The following ARHGAP32 variants were observed in gnomAD, a reference collection of about 807,000 sequenced individuals.
ARHGAP32 encodes rho GTPase-activating protein 32.
ARHGAP32 carries 51 observed loss-of-function variants against 186.5 expected under a neutral mutation model. The observed-to-expected ratio is 0.27, with a 90% CI of 0.22 to 0.35. The LOEUF is 0.35. Among genes scored for constraint, ARHGAP32 ranks in the 10% least tolerant of loss-of-function variants. The pLI, the probability that ARHGAP32 is intolerant of heterozygous loss-of-function variation, is 1.00. For synonymous variants in ARHGAP32, 950 were observed against 964.3 expected, an observed-to-expected ratio of 0.99 and a Z score of 0.27; for missense variants, 2,186 against 2,623.5, an observed-to-expected ratio of 0.83 and a Z score of 3.64.
chr11:129,170,296 A>C (rs1943732173), intron 1 of ARHGAP32, among the ~76,000 whole-genome samples: 1 of 149,800 alleles, frequency 6.7e-6, no homozygotes, highest in South Asian at 2.1e-4. Flanking sequence ...TGTGGCATCT[A>C]TTGACTCGTC....
At chr11:129,177,274 C>T (rs926699468) in intron 1 of ARHGAP32, among the ~76,000 whole-genome samples, 1 of 152,060 alleles carries the variant, frequency 6.6e-6, no homozygotes, top group Non-Finnish European at 1.5e-5. Context: ...ATAACAGGAG[C>T]TGAAATTGTG....
intron 15 of ARHGAP32, among the ~76,000 whole-genome samples, chr11:128,982,247 C>G (rs905376661): frequency 9.9e-5 from 15 of 152,096 alleles, no homozygotes; most frequent in African/African-American, 3.6e-4. Context: ...AGCCTTAAAA[C>G]AGTTACAAGA....
intron 1 of ARHGAP32, among the ~76,000 whole-genome samples, chr11:129,225,756 A>G (rs1173039182): frequency 6.6e-6 from 1 of 152,200 alleles, no homozygotes; most frequent in African/African-American, 2.4e-5. Context: ...ACATAGAGGG[A>G]AAAACAATCA....
intron 1 of ARHGAP32, among the ~76,000 whole-genome samples, chr11:129,252,869 C>T (rs1945204458): frequency 6.6e-6 from 1 of 152,212 alleles, no homozygotes; most frequent in Non-Finnish European, 1.5e-5. Flanking sequence ...CTGGACTAAA[C>T]ATTAAACTCA....
intron 5 of ARHGAP32, among the ~76,000 whole-genome samples, chr11:129,097,868 C>T (rs530067657): frequency 5.9e-5 from 9 of 151,966 alleles, no homozygotes; most frequent in Admixed American, 1.3e-4. Flanking sequence ...CTAAGACACC[C>T]GATAATCAAA....
At chr11:129,024,588 A>G (rs1938749525) in intron 11 of ARHGAP32, among the ~76,000 whole-genome samples, 1 of 152,218 alleles carries the variant, frequency 6.6e-6, no homozygotes, top group Non-Finnish European at 1.5e-5. Context: ...ATCAACTTAC[A>G]CAGTCTCTGT....
intron 1 of ARHGAP32, among the ~76,000 whole-genome samples, chr11:129,235,932 C>T (rs1390635330): frequency 6.6e-6 from 1 of 151,582 alleles, no homozygotes; most frequent in East Asian, 1.9e-4. Flanking sequence ...CACACACACA[C>T]ACACACACTC....
rs1003685404 is a variant in ARHGAP32, at chr11:128,966,922, C to A, written c.*1985G>T. The A allele has an allele frequency of 7.9e-5, 12 of 152,142 alleles. No individual in the cohort carries two copies. The highest frequency in any genetic ancestry group is 2.4e-4 in the African/African-American group (10 of 41,430). 9.4% of individuals were successfully genotyped at this position (152,142 alleles called of 1,614,324 possible). A position where few individuals can be genotyped will look rare whatever the true frequency, so the allele number is the denominator to read the frequency against. On this transcript the variant is annotated 3_prime_UTR_variant, in exon 23 of 23. Coordinates refer to ENST00000682385, the MANE Select transcript of ARHGAP32 (RefSeq NM_001378024.1). ...AAGGTCATACTCCTGTATGTAGCAC[C>A]CAGGGTGTTTTTGTGCCAAAGGGAA... is the stretch of plus-strand genomic sequence containing the variant.
chr11:129,171,884 A>C (rs1267801528), intron 1 of ARHGAP32, among the ~76,000 whole-genome samples: 4 of 152,074 alleles, frequency 2.6e-5, no homozygotes, highest in Non-Finnish European at 1.5e-5. Flanking sequence ...GAGGCCCTTC[A>C]CATCCCCTGT....
chr11:129,001,301 A>C (rs1455610534), intron 11 of ARHGAP32, among the ~76,000 whole-genome samples: 1 of 152,158 alleles, frequency 6.6e-6, no homozygotes, highest in African/African-American at 2.4e-5. Context: ...CTTTTGGATA[A>C]AAGCCATTTT....
chr11:129,203,230 TATC>T (rs1944477413), intron 1 of ARHGAP32, among the ~76,000 whole-genome samples: 1 of 150,962 alleles, frequency 6.6e-6, no homozygotes, highest in Non-Finnish European at 1.5e-5. Flanking sequence ...GCAACCATCT[TATC>T]AGTCTAAGTG....
At chr11:129,083,683 C>G (rs1941292918) in intron 6 of ARHGAP32, among the ~76,000 whole-genome samples, 1 of 152,114 alleles carries the variant, frequency 6.6e-6, no homozygotes, top group Non-Finnish European at 1.5e-5. Context: ...TCCATATAAT[C>G]AAACACCACC....
At chr11:129,133,167 GA>G (rs1036879644) in intron 2 of ARHGAP32, among the ~76,000 whole-genome samples, 2 of 152,108 alleles carry the variant, frequency 1.3e-5, no homozygotes, top group African/African-American at 4.8e-5. Flanking sequence ...GAGTGACAGA[GA>G]AAAGAGTCAG....
At chr11:129,026,977 T>C (rs1325105725) in intron 11 of ARHGAP32, among the ~76,000 whole-genome samples, 1 of 149,124 alleles carries the variant, frequency 6.7e-6, no homozygotes, top group Non-Finnish European at 1.5e-5. Flanking sequence ...CGGGTGCCTG[T>C]AGTCCCAGCT....
At chr11:129,171,422 T>C (rs1333676170) in intron 1 of ARHGAP32, among the ~76,000 whole-genome samples, 1 of 152,186 alleles carries the variant, frequency 6.6e-6, no homozygotes, top group Non-Finnish European at 1.5e-5. Flanking sequence ...ATTTACTGAA[T>C]AGGAGATCTC....
rs368638989 is a variant in ARHGAP32 at position 129,152,607 on chromosome 11, C to T, written c.225+11712G>A. 5.1e-4 allele frequency among the ~76,000 whole-genome samples: 78 copies of T among 152,148 alleles called. 1 individual carries two copies. The highest frequency in any genetic ancestry group is 1.7e-3 in the Admixed American group (26 of 15,264). Reference sequence around the variant, plus strand: ...CATCTAAATCAATAAATGTGATACACCACATACACAAAATTTATAAGAAAA... The same window carrying T: ...CATCTAAATCAATAAATGTGATACATCACATACACAAAATTTATAAGAAAA... On this transcript the variant is annotated intron_variant, in intron 2 of 22. Transcript: ENST00000682385.
At chr11:129,038,183 G>A (rs2135007359) in intron 11 of ARHGAP32, among the ~76,000 whole-genome samples, 1 of 152,076 alleles carries the variant, frequency 6.6e-6, no homozygotes, top group East Asian at 1.9e-4. Flanking sequence ...ACTGTGTCTA[G>A]GGTCAATTGA....
At chr11:129,168,070 C>A (rs1943674890) in intron 1 of ARHGAP32, among the ~76,000 whole-genome samples, 1 of 151,920 alleles carries the variant, frequency 6.6e-6, no homozygotes, top group African/African-American at 2.4e-5. Context: ...GACAGTTGGA[C>A]CCCATCTGTA....
intron 2 of ARHGAP32, among the ~76,000 whole-genome samples, chr11:129,156,455 C>A (rs640361): frequency 0.28 from 43,296 of 152,020 alleles, 6,495 homozygotes; most frequent in Middle Eastern, 0.4. Flanking sequence ...TTTCCCCTCA[C>A]AATGTAAACA....
Sources: allele counts gnomAD v4.1 joint callset (sites outside exome capture counted in the v4.1 genomes callset), GRCh38; gene constraint gnomAD v4.1.1; transcripts MANE v1.5; gene names NCBI Gene and HGNC (gene_info 2026-07-23, HGNC 2026-07-21).